The following IGFL2 variants were observed in gnomAD, a reference collection of about 807,000 sequenced individuals.
IGFL2 encodes IGF like family member 2.
IGFL2 carries 7 observed loss-of-function variants against 13.9 expected under a neutral mutation model. That is an observed-to-expected ratio of 0.51 (90% CI 0.29 to 0.95). The LOEUF is 0.95. Among genes scored for constraint, IGFL2 ranks in the 40% least tolerant of loss-of-function variants. The pLI is 0.08. For missense variants in IGFL2, 138 were observed against 147.8 expected (o/e 0.93, Z 0.34); for synonymous variants, 55 against 55.8 (o/e 0.99, Z 0.07).
the IGFL2 span, among the ~76,000 whole-genome samples, chr19:46,197,868 T>C: frequency 6.6e-5 from 10 of 151,986 alleles, no homozygotes; most frequent in African/African-American, 2.4e-4. Context: ...GCTGCCCTCC[T>C]CCCATCACAG....
the IGFL2 span, among the ~76,000 whole-genome samples, chr19:46,082,260 T>A: frequency 6.6e-6 from 1 of 152,212 alleles, no homozygotes; most frequent in African/African-American, 2.4e-5. Flanking sequence ...ACTATCATTA[T>A]TAAGACAGTT....
the IGFL2 span, among the ~76,000 whole-genome samples, chr19:46,199,678 A>G: frequency 3.9e-5 from 6 of 152,112 alleles, no homozygotes; most frequent in African/African-American, 1.4e-4. Context: ...TCGGGACACA[A>G]TCCTAATCCT....
At chr19:46,190,630 C>T in the IGFL2 span, among the ~76,000 whole-genome samples, 1 of 152,188 alleles carries the variant, frequency 6.6e-6, no homozygotes, top group East Asian at 1.9e-4. Context: ...TATCTGCAGC[C>T]TACCACAGAC....
chr19:46,098,549 A>T, the IGFL2 span, among the ~76,000 whole-genome samples: 1 of 143,626 alleles, frequency 7.0e-6, no homozygotes, highest in Non-Finnish European at 1.5e-5. Flanking sequence ...GTATGATCTC[A>T]GCTCACTGCA....
the IGFL2 span, among the ~76,000 whole-genome samples, chr19:46,118,996 C>T: frequency 6.6e-6 from 1 of 152,054 alleles, no homozygotes; most frequent in Non-Finnish European, 1.5e-5. Context: ...CAAGATAATA[C>T]TCAACACCCT....
At chr19:46,165,537 T>A (rs1268068744), downstream of IGFL2, among the ~76,000 whole-genome samples, 3 of 152,184 alleles carry the variant, frequency 2.0e-5, no homozygotes, top group African/African-American at 7.2e-5. Flanking sequence ...GGGAGCACAT[T>A]AACTAGCACA....
At chr19:46,125,474 G>A in the IGFL2 span, among the ~76,000 whole-genome samples, 4 of 152,328 alleles carry the variant, frequency 2.6e-5, no homozygotes, top group South Asian at 8.3e-4. Context: ...AGCTAGGGAA[G>A]GGCTTGGACA....
the IGFL2 span, among the ~76,000 whole-genome samples, chr19:46,117,164 T>C: frequency 6.6e-6 from 1 of 152,244 alleles, no homozygotes; most frequent in Non-Finnish European, 1.5e-5. Flanking sequence ...GAGCTAAGCC[T>C]ATTCAGTAAG....
At chr19:46,194,852 A>ATATATTTTT in the IGFL2 span, among the ~76,000 whole-genome samples, 1 of 31,588 alleles carries the variant, frequency 3.2e-5, no homozygotes, top group Admixed American at 4.8e-4. Context: ...ATATATATAT[A>ATATATTTTT]TTTTTTTTTT....
the IGFL2 span, chr19:46,208,373 G>T: frequency 6.6e-6 from 1 of 152,188 alleles, no homozygotes. Flanking sequence ...TTTAGATGTG[G>T]TGGACACGCC....
At chr19:46,110,660 A>C in the IGFL2 span, among the ~76,000 whole-genome samples, 2 of 152,216 alleles carry the variant, frequency 1.3e-5, no homozygotes, top group African/African-American at 4.8e-5. Context: ...GCTATGCAAA[A>C]AGTTGTTCAA....
chr19:46,083,887 G>A, the IGFL2 span, among the ~76,000 whole-genome samples: 2 of 152,168 alleles, frequency 1.3e-5, no homozygotes, highest in Non-Finnish European at 2.9e-5. Flanking sequence ...ATTATGTAAG[G>A]GTATTCTGGT....
the IGFL2 span, among the ~76,000 whole-genome samples, chr19:46,109,350 C>T: frequency 2.6e-5 from 4 of 151,238 alleles, no homozygotes; most frequent in East Asian, 2.0e-4. Flanking sequence ...AGTCTTGCTC[C>T]GTTGCCCAGG....
chr19:46,161,026 C>T (rs779652691), intron 3 of IGFL2, 44 bp from the exon 4 acceptor site: 2 of 1,570,676 alleles, frequency 1.3e-6, no homozygotes, highest in South Asian at 2.3e-5. Context: ...TCAGTTATCT[C>T]CTTGTCTGTT....
chr19:46,141,123 C>G (rs547923798), upstream of IGFL2, among the ~76,000 whole-genome samples: 8 of 152,190 alleles, frequency 5.3e-5, no homozygotes, highest in Non-Finnish European at 8.8e-5. Flanking sequence ...GTATTCTTTG[C>G]TCTAAAGGGA....
At chr19:46,094,862 T>C in the IGFL2 span, among the ~76,000 whole-genome samples, 1 of 152,220 alleles carries the variant, frequency 6.6e-6, no homozygotes, top group Non-Finnish European at 1.5e-5. Flanking sequence ...CATGATCTCA[T>C]TCCTTTTTAT....
chr19:46,201,298 A>C, the IGFL2 span, among the ~76,000 whole-genome samples: 1 of 152,248 alleles, frequency 6.6e-6, no homozygotes, highest in Non-Finnish European at 1.5e-5. Context: ...CAGTGCCCTC[A>C]GGATAGACTG....
the IGFL2 span, chr19:46,120,449 T>G: frequency 6.4e-7 from 1 of 1,563,394 alleles, no homozygotes; most frequent in African/African-American, 1.4e-5. Flanking sequence ...AAACTTGACT[T>G]TAACAGACTT....
At chr19:46,201,555 T>C in the IGFL2 span, among the ~76,000 whole-genome samples, 1 of 152,190 alleles carries the variant, frequency 6.6e-6, no homozygotes, top group African/African-American at 2.4e-5. Context: ...ACTCTCTGAG[T>C]CATCAAGGCC....
Sources: gnomAD v4.1 joint callset for allele counts (sites outside exome capture counted in the v4.1 genomes callset) on GRCh38, gnomAD v4.1.1 for gene constraint, MANE v1.5 for transcripts, NCBI Gene and HGNC (gene_info 2026-07-23, HGNC 2026-07-21) for gene names.